Variants in FUBP1 observed in about 807,000 individuals in gnomAD.
The protein encoded by FUBP1 is far upstream element-binding protein 1.
In FUBP1, 16 loss-of-function variants were observed where a neutral mutation model predicts 94.9. The ratio of observed to expected loss-of-function variants is 0.17; its 90% CI spans 0.11 to 0.26. The LOEUF is 0.26. Among genes scored for constraint, FUBP1 ranks in the 10% least tolerant of loss-of-function variants. FUBP1 has a pLI of 1.00. For missense variants in FUBP1, 583 were observed against 808.6 expected, an observed-to-expected ratio of 0.72 and a Z score of 3.38; for synonymous variants, 279 against 254.9, an observed-to-expected ratio of 1.09 and a Z score of -0.90.
Position 77,968,207 on chromosome 1 carries a change from C to T in FUBP1, c.212-4G>A. ...ACTTTCTTAGCATCTGGTTGATCTGCAAAATTAAGTGTCTTTTAATTTTTT... is the reference window on the plus strand; with the variant it reads ...ACTTTCTTAGCATCTGGTTGATCTGTAAAATTAAGTGTCTTTTAATTTTTT... On this transcript the variant is annotated splice_polypyrimidine_tract_variant and splice_region_variant and intron_variant, in intron 2 of 19. Coordinates refer to ENST00000370768, the MANE Select transcript of FUBP1 (RefSeq NM_003902.5). 2.6e-6 allele frequency: 4 copies of T among 1,530,812 alleles called. No individual in the cohort carries two copies. Among genetic ancestry groups the T allele is most frequent in the Admixed American group, 2.3e-5 (1 of 42,946 alleles). 94.8% of individuals were successfully genotyped at this position (1,530,812 alleles called of 1,614,324 possible). A position where few individuals can be genotyped will look rare whatever the true frequency, so the allele number is the denominator to read the frequency against.
intron 16 of FUBP1, among the ~76,000 whole-genome samples, chr1:77,959,374 T>C (rs1419734740): frequency 1.3e-5 from 2 of 152,146 alleles, no homozygotes; most frequent in Non-Finnish European, 2.9e-5. Context: ...ATTAAACGTA[T>C]TTGGGCTTTA....
chr1:77,960,245 A>G lies in FUBP1; in HGVS notation c.1515T>C (p.Tyr505=). ...GPAPHGPPAP[Y]APQGWGNAYP... ...ATGCATTTCCCCATCCCTGGGGAGC[A>G]TATGGGGCTGGAGGACCACTGAAAA... Residue 505 remains tyrosine (Y), a synonymous_variant, in exon 16 of 20, where the codon TAT becomes TAC. Transcript: ENST00000370768. 6.2e-7 allele frequency: 1 copy of G among 1,612,598 alleles called. No homozygotes were observed. Among genetic ancestry groups the G allele is most frequent in the Non-Finnish European group, 8.5e-7 (1 of 1,178,986 alleles).
At chr1:77,977,772 T>G (rs948380862) in intron 1 of FUBP1, among the ~76,000 whole-genome samples, 39 of 152,272 alleles carry the variant, frequency 2.6e-4, no homozygotes, top group African/African-American at 9.2e-4. Context: ...GATGACCTTT[T>G]GTTGACTACT....
Position 77,947,955 on chromosome 1 carries a change from A to C in FUBP1, c.*811T>G. Reference sequence around the variant, plus strand: ...CACATGGAAAAAAACTGTTCTTATTAGACTACTCATATTCACTATCTGAAA... The same window carrying C: ...CACATGGAAAAAAACTGTTCTTATTCGACTACTCATATTCACTATCTGAAA... On this transcript the variant is annotated 3_prime_UTR_variant, in exon 20 of 20. Coordinates refer to ENST00000370768, the MANE Select transcript of FUBP1 (RefSeq NM_003902.5). 10 of 1,009,444 alleles carry C rather than the reference A, an allele frequency of 9.9e-6. No homozygotes were observed. The highest frequency in any genetic ancestry group is 1.2e-5 in the Non-Finnish European group (10 of 825,488). The allele number at this position is 1,009,444 out of a possible 1,614,324, so 62.5% of individuals were successfully genotyped here. A position where few individuals can be genotyped will look rare whatever the true frequency, so the allele number is the denominator to read the frequency against.
rs1380024984 is a variant in FUBP1, at chr1:77,950,267, T to A, written c.1781-967A>T. Among the ~76,000 whole-genome samples, 5 of 152,154 alleles carry A rather than the reference T, an allele frequency of 3.3e-5. No individual in the cohort carries two copies. The East Asian group carries it at 9.6e-4, about 29-fold the overall frequency. ...CCTCAACCTCCCAGGGCTCAGGTGATCCTCCCACCTCAGCCTCTAGAGTAG... is the reference window on the plus strand; with the variant it reads ...CCTCAACCTCCCAGGGCTCAGGTGAACCTCCCACCTCAGCCTCTAGAGTAG... On this transcript the variant is annotated intron_variant, in intron 18 of 19. Coordinates refer to ENST00000370768, the MANE Select transcript of FUBP1 (RefSeq NM_003902.5).
chr1:77,977,892 A>G (rs1658996792), intron 1 of FUBP1, among the ~76,000 whole-genome samples: 1 of 152,182 alleles, frequency 6.6e-6, no homozygotes, highest in Admixed American at 6.5e-5. Flanking sequence ...TGTTCCTTCA[A>G]CTGTCCCGGT....
Position 77,948,245 on chromosome 1 carries a change from A to C in FUBP1, c.*521T>G. ...ATACAATAAATGGAAAAGATCCTCC[A>C]ATCTACCACTATACTGCAAGGGGGG... On this transcript the variant is annotated 3_prime_UTR_variant, in exon 20 of 20. Coordinates refer to ENST00000370768, the MANE Select transcript of FUBP1 (RefSeq NM_003902.5). 1.9e-6 allele frequency: 2 copies of C among 1,055,350 alleles called. No homozygotes were observed. Among genetic ancestry groups the C allele is most frequent in the Non-Finnish European group, 2.3e-6 (2 of 872,780 alleles). The allele number at this position is 1,055,350 out of a possible 1,614,324, so 65.4% of individuals were successfully genotyped here. A position where few individuals can be genotyped will look rare whatever the true frequency, so the allele number is the denominator to read the frequency against.
intron 1 of FUBP1, among the ~76,000 whole-genome samples, chr1:77,972,848 A>T (rs1160619993): frequency 9.9e-5 from 15 of 152,090 alleles, no homozygotes; most frequent in Non-Finnish European, 1.2e-4. Flanking sequence ...AGCATTTCAA[A>T]AACTGAGAAC....
intron 14 of FUBP1, among the ~76,000 whole-genome samples, chr1:77,961,108 T>C (rs114198156): frequency 1.5e-3 from 225 of 152,346 alleles, no homozygotes; most frequent in African/African-American, 5.3e-3. Flanking sequence ...ATTCCCTTTT[T>C]AATTCCTTCA....
Position 77,960,397 on chromosome 1 carries a change from C to A in FUBP1, c.1443G>T (p.Met481Ile). 2 of 1,596,862 alleles carry A rather than the reference C, an allele frequency of 1.3e-6. No individual in the cohort carries two copies. Among genetic ancestry groups the A allele is most frequent in the Non-Finnish European group, 1.7e-6 (2 of 1,176,246 alleles). ...TATAAGGTGCAGGGTTGTATGGTCC[C>A]ATTGGAGTTCCAGGCCCTGGAGGCC... ...PPGPPGPGTP[M>I]GPYNPAPYNP... is the part of the protein sequence containing the mutation. Residue 481 changes from methionine (M) to isoleucine (I), a missense_variant, in exon 15 of 20, where the codon ATG becomes ATT. Physicochemically the swap from Met to Ile is conservative, Grantham distance 10. Coordinates refer to ENST00000370768, the MANE Select transcript of FUBP1 (RefSeq NM_003902.5).
intron 1 of FUBP1, among the ~76,000 whole-genome samples, chr1:77,974,392 A>G (rs1450004791): frequency 2.6e-5 from 4 of 152,102 alleles, no homozygotes; most frequent in African/African-American, 4.8e-5. Flanking sequence ...TCAGCCTCCC[A>G]AAGTGCTGAG....
In FUBP1 at chr1:77,969,966, T is replaced by C. The variant is rs1218224822; in HGVS notation, c.170A>G (p.Asp57Gly). Reference protein sequence around the residue: ...GDAGTSLNSNDYGYGGQKRPL... With the variant: ...GDAGTSLNSNGYGYGGQKRPL... ...TCTTTTTTGTCCCCCATAACCATAG[T>C]CATTTGAATTCAGTGATGTCCCTGC... The change falls in exon 2 of 20, where the codon GAC (aspartate) becomes GGC (glycine). Residue 57 changes from aspartate to glycine, a missense_variant. Asp to Gly is a moderately conservative substitution (Grantham distance 94). Transcript: ENST00000370768. The C allele has an allele frequency of 1.3e-6, 2 of 1,592,904 alleles. No homozygotes were observed. The highest frequency in any genetic ancestry group is 1.7e-6 in the Non-Finnish European group (2 of 1,164,656).
chr1:77,962,383 G>A (rs1230963076), intron 14 of FUBP1, among the ~76,000 whole-genome samples: 2 of 152,156 alleles, frequency 1.3e-5, no homozygotes, highest in African/African-American at 4.8e-5. Context: ...ACTGTAGAGT[G>A]GCAGATGTAT....
rs2102209243 is a variant in FUBP1, at chr1:77,946,189, T to C, written c.*2577A>G. Among the ~76,000 whole-genome samples, 2 of 152,070 alleles carry C rather than the reference T, an allele frequency of 1.3e-5. No individual in the cohort carries two copies. The highest frequency in any genetic ancestry group is 1.3e-4 in the Admixed American group (2 of 15,270). ...GTTTCTAAACAAGTGATTTCCTAAA[T>C]CTTGAAAACTGTGTAATTGTCCTTT... On this transcript the variant is annotated 3_prime_UTR_variant, in exon 20 of 20. Transcript: ENST00000370768.
chr1:77,969,871 C>G, intron 2 of FUBP1, 54 bp downstream of exon 2: 1 of 739,802 alleles, frequency 1.4e-6, no homozygotes. Context: ...TACCGAGAAT[C>G]ACTTCAACTA....
intron 18 of FUBP1, among the ~76,000 whole-genome samples, chr1:77,954,119 C>T (rs1384477330): frequency 6.6e-6 from 1 of 152,098 alleles, no homozygotes; most frequent in Non-Finnish European, 1.5e-5. Context: ...TGCCACCGCA[C>T]GTGGCTCATG....
intron 1 of FUBP1, among the ~76,000 whole-genome samples, chr1:77,974,690 T>C (rs764920742): frequency 1.3e-5 from 2 of 152,228 alleles, no homozygotes; most frequent in Non-Finnish European, 2.9e-5. Context: ...GAATTTAAAC[T>C]TTATAGATAC....
intron 2 of FUBP1, 60 bp downstream of exon 2, chr1:77,969,865 G>A (rs968570287): frequency 1.9e-5 from 13 of 692,294 alleles, no homozygotes; most frequent in Admixed American, 5.5e-5. Context: ...GAAAAATACC[G>A]AGAATCACTT....
At position 77,955,256 on chromosome 1, in the gene FUBP1, C is replaced by T. The variant is rs1223732335; in HGVS notation, c.1779G>A (p.Met593Ile). The T allele has an allele frequency of 7.8e-7, 1 of 1,277,474 alleles. No individual in the cohort carries two copies. Among genetic ancestry groups the T allele is most frequent in the African/African-American group, 1.5e-5 (1 of 68,606 alleles). 79.1% of individuals were successfully genotyped at this position (1,277,474 alleles called of 1,614,324 possible). Reference protein sequence around the residue: ...TKAWEEYYKKMGQAVPAPTGA... With the variant: ...TKAWEEYYKKIGQAVPAPTGA... ...TTTCAAGAAATGTATAAAACATACC[C>T]ATTTTCTTGTAGTACTCTTCCCAAG... The change falls in exon 18 of 20, where the codon ATG becomes ATA. Residue 593 changes from methionine (M) to isoleucine (I), a missense_variant and splice_region_variant. Physicochemically the swap from Met to Ile is conservative, Grantham distance 10. Transcript: ENST00000370768.
Sources: allele counts gnomAD v4.1 joint callset (sites outside exome capture counted in the v4.1 genomes callset), GRCh38; gene constraint gnomAD v4.1.1; transcripts MANE v1.5; gene names NCBI Gene and HGNC (gene_info 2026-07-23, HGNC 2026-07-21).